EFHC1: variants seen among roughly 807,000 people sequenced by gnomAD.
EFHC1 encodes EF-hand domain containing 1, also known as EF-hand domain-containing protein 1.
In EFHC1, 53 loss-of-function variants were observed where a neutral mutation model predicts 69.9. The observed-to-expected ratio is 0.76, with a 90% CI of 0.61 to 0.95. The LOEUF (loss-of-function observed/expected upper bound fraction) is 0.95. Among genes scored for constraint, EFHC1 ranks in the 40% least tolerant of loss-of-function variants. EFHC1 has a pLI of 0.00. For synonymous variants in EFHC1, 256 were observed against 278.4 expected, an observed-to-expected ratio of 0.92 and a Z score of 0.80; for missense variants, 739 against 798.7, an observed-to-expected ratio of 0.93 and a Z score of 0.90.
At chr6:52,486,378 C>T (rs1009109676) in intron 9 of EFHC1, 6 of 152,292 alleles carry the variant, frequency 3.9e-5, no homozygotes, top group African/African-American at 1.4e-4. Context: ...ATTAACCTAC[C>T]TTCCACAGGA....
intron 2 of EFHC1, among the ~76,000 whole-genome samples, chr6:52,432,634 G>T (rs1450884324): frequency 1.3e-5 from 2 of 152,150 alleles, no homozygotes; most frequent in Non-Finnish European, 2.9e-5. Flanking sequence ...CAGCTCTTAA[G>T]ATTCTTTCCT....
chr6:52,427,531 A>AT (rs1475390330), intron 2 of EFHC1, among the ~76,000 whole-genome samples: 3 of 138,692 alleles, frequency 2.2e-5, no homozygotes, highest in South Asian at 2.3e-4. Flanking sequence ...GTTCCTCCTC[A>AT]TTTTTCTATA....
At chr6:52,488,668 C>T (rs1765835996) in intron 9 of EFHC1, 1 of 152,144 alleles carries the variant, frequency 6.6e-6, no homozygotes. Flanking sequence ...ACCCTCCACT[C>T]CCCATAGGTA....
At chr6:52,438,233 GT>G in intron 2 of EFHC1, 70 bp from the exon 3 acceptor site, 1 of 1,442,660 alleles carries the variant, frequency 6.9e-7, no homozygotes, top group Non-Finnish European at 9.5e-7. Flanking sequence ...TTTCAGGAAG[GT>G]ACTTGATATT....
At chr6:52,482,693 C>G in intron 9 of EFHC1, 2 of 397,228 alleles carry the variant, frequency 5.0e-6, no homozygotes. Context: ...TGAAATATCT[C>G]TGAGAGTTCT....
intron 9 of EFHC1, chr6:52,487,163 A>T (rs1284090775): frequency 1.3e-5 from 2 of 152,304 alleles, no homozygotes; most frequent in East Asian, 3.9e-4. Context: ...ATTTCAATAA[A>T]ATTTTATGTA....
chr6:52,454,863 G>A (rs1765004894), intron 5 of EFHC1, among the ~76,000 whole-genome samples: 1 of 151,760 alleles, frequency 6.6e-6, no homozygotes, highest in Non-Finnish European at 1.5e-5. Flanking sequence ...AGACTGAGGC[G>A]GGTGGATTGC....
Position 52,464,978 on chromosome 6 carries a change from T to A in EFHC1, c.1000T>A (p.Ser334Thr), listed in dbSNP as rs1298751121. ...TGCTAAAGACTTCATTGTTGGGAAG[T>A]CACTCACTATCCTTGGGAGAACTTT... ...YTAKDFIVGK[S>T]LTILGRTFFI... is the part of the protein sequence containing the mutation. The change falls in exon 6 of 11, where the codon TCA becomes ACA. Residue 334 changes from serine to threonine, a missense_variant. By Grantham distance (58) the Ser-to-Thr change is moderately conservative. Coordinates refer to ENST00000371068, the MANE Select transcript of EFHC1 (RefSeq NM_018100.4). 6.2e-7 allele frequency: 1 copy of A among 1,614,056 alleles called. No individual in the cohort carries two copies. Among genetic ancestry groups the A allele is most frequent in the African/African-American group, 1.3e-5 (1 of 74,930 alleles).
chr6:52,464,320 T>C (rs576973866), intron 5 of EFHC1, among the ~76,000 whole-genome samples: 2 of 152,370 alleles, frequency 1.3e-5, no homozygotes, highest in African/African-American at 4.8e-5. Flanking sequence ...TAGCTTACAC[T>C]GTCCTCATAG....
chr6:52,453,098 C>T, intron 4 of EFHC1: 2 of 1,453,144 alleles, frequency 1.4e-6, no homozygotes, highest in Non-Finnish European at 1.8e-6. Context: ...AATCTCAAAG[C>T]AATTCCTGAG....
chr6:52,421,121 ATCT>A (rs1379229871), intron 1 of EFHC1: 2 of 873,916 alleles, frequency 2.3e-6, no homozygotes, highest in East Asian at 1.2e-4. Context: ...TTTTTTCTCC[ATCT>A]TCTACATTTT....
rs1227604123 is a variant in EFHC1 at position 52,496,895 on chromosome 6, A to AGAT, written c.*4556_*4558dup. On this transcript the variant is annotated 3_prime_UTR_variant, in exon 11 of 11. Coordinates refer to ENST00000371068, the MANE Select transcript of EFHC1 (RefSeq NM_018100.4). ...TCTTTTGAGATCTTTTTCCAAAGAA[A>AGAT]GATGGTTCTGGTAAACACAGCAAGC... is the stretch of plus-strand genomic sequence containing the variant. The AGAT allele has an allele frequency of 6.6e-6, 1 of 152,222 alleles. No homozygotes were observed. The highest frequency in any genetic ancestry group is 1.5e-5 in the Non-Finnish European group (1 of 68,056). The allele number at this position is 152,222 out of a possible 1,614,324, so 9.4% of individuals were successfully genotyped here. A position where few individuals can be genotyped will look rare whatever the true frequency, so the allele number is the denominator to read the frequency against.
chr6:52,495,237 T>C lies in EFHC1; in HGVS notation c.*2896T>C, dbSNP rs1207752372. The C allele has an allele frequency of 2.2e-6, 1 of 454,110 alleles. No homozygotes were observed. Among genetic ancestry groups the C allele is most frequent in the South Asian group, 1.6e-5 (1 of 64,484 alleles). 28.1% of individuals were successfully genotyped at this position (454,110 alleles called of 1,614,324 possible). On this transcript the variant is annotated 3_prime_UTR_variant, in exon 11 of 11. Coordinates refer to ENST00000371068, the MANE Select transcript of EFHC1 (RefSeq NM_018100.4). ...AGCTCAATCCCTTTCCTTTAGACTG[T>C]TTCAGGGGAGAACCAGGTACCCCAA... is the stretch of plus-strand genomic sequence containing the variant.
At position 52,494,204 on chromosome 6, in the gene EFHC1, G is replaced by A; in HGVS notation, c.*1863G>A. On this transcript the variant is annotated 3_prime_UTR_variant, in exon 11 of 11. Coordinates refer to ENST00000371068, the MANE Select transcript of EFHC1 (RefSeq NM_018100.4). ...ATAACCCTGATAAGCCCATTGTAAA[G>A]TAGGCAAATAAGTTGGACCATTGAA... is the stretch of plus-strand genomic sequence containing the variant. The A allele has an allele frequency of 4.4e-6, 2 of 454,126 alleles. No individual in the cohort carries two copies. Among genetic ancestry groups the A allele is most frequent in the Admixed American group, 2.3e-5 (1 of 42,578 alleles). The allele number at this position is 454,126 out of a possible 1,614,324, so 28.1% of individuals were successfully genotyped here.
chr6:52,460,083 T>C (rs969047190), intron 5 of EFHC1, among the ~76,000 whole-genome samples: 6 of 152,372 alleles, frequency 3.9e-5, no homozygotes, highest in African/African-American at 1.4e-4. Flanking sequence ...CAGAAACTTA[T>C]GTGAATGTTT....
rs191326170 is a variant in EFHC1 at position 52,426,650 on chromosome 6, T to C, written c.285+2483T>C. ...AACTGTTGGTACCTCAAGTTCTGTATGTCTCTAACTTATCTCTATCCCTCA... is the reference window on the plus strand; with the variant it reads ...AACTGTTGGTACCTCAAGTTCTGTACGTCTCTAACTTATCTCTATCCCTCA... On this transcript the variant is annotated intron_variant, in intron 2 of 10. Transcript: ENST00000371068. Among the ~76,000 whole-genome samples, 3 of 152,326 alleles carry C rather than the reference T, an allele frequency of 2.0e-5. No individual in the cohort carries two copies. The East Asian group carries it at 5.8e-4, about 29-fold the overall frequency.
At position 52,479,721 on chromosome 6, in the gene EFHC1, C is replaced by G; in HGVS notation, c.1574C>G (p.Pro525Arg). The change falls in exon 9 of 11, where the codon CCA becomes CGA. Residue 525 changes from proline (P) to arginine (R), a missense_variant. Transcript: ENST00000371068. ...YMESNAAQYS[P>R]EALASIQNHV... ...GAGAGCAACGCTGCCCAGTATTCAC[C>G]AGAAGCACTCGCGTCAATTCAGAAC... The G allele has an allele frequency of 6.2e-7, 1 of 1,614,198 alleles. No individual in the cohort carries two copies. The highest frequency in any genetic ancestry group is 1.3e-5 in the African/African-American group (1 of 75,064).
At position 52,477,106 on chromosome 6, in the gene EFHC1, C is replaced by T. The variant is rs554164652; in HGVS notation, c.1279-1931C>T. Among the ~76,000 whole-genome samples the T allele has an allele frequency of 1.5e-3, 234 of 151,410 alleles. 1 individual carries two copies. The highest frequency in any genetic ancestry group is 5.5e-3 in the African/African-American group (229 of 41,270). The stretch of plus-strand genomic sequence containing the variant: ...TGCCATAATAAACCATTACCATTGT[C>T]CCCCCCAACCCCCCGGTATGCCCCT... On this transcript the variant is annotated intron_variant, in intron 7 of 10. Transcript: ENST00000371068.
At chr6:52,488,024 T>C (rs1162954216) in intron 9 of EFHC1, 1 of 152,236 alleles carries the variant, frequency 6.6e-6, no homozygotes, top group East Asian at 1.9e-4. Context: ...TACTCCATCT[T>C]GCTCAAAGGC....
Sources: allele counts gnomAD v4.1 joint callset (sites outside exome capture counted in the v4.1 genomes callset), GRCh38; gene constraint gnomAD v4.1.1; transcripts MANE v1.5; gene names NCBI Gene and HGNC (gene_info 2026-07-23, HGNC 2026-07-21).